SWT1: variants seen among roughly 807,000 people sequenced by gnomAD.
SWT1 encodes the protein transcriptional protein SWT1.
Under a neutral mutation model 107.3 loss-of-function variants are expected in SWT1, and 33 were observed. The ratio of observed to expected loss-of-function variants is 0.31; its 90% confidence interval spans 0.23 to 0.41. SWT1 has a LOEUF of 0.41. SWT1 is among the 10% of genes least tolerant of loss of function. SWT1 has a pLI of 1.00. For synonymous variants in SWT1, 345 were observed against 348.3 expected (o/e 0.99, Z 0.11); for missense variants, 898 against 1,028.9 (o/e 0.87, Z 1.74).
intron 4 of SWT1, chr1:185,171,258 A>C: frequency 5.2e-6 from 1 of 190,658 alleles, no homozygotes; most frequent in East Asian, 1.7e-4. Flanking sequence ...TACTGCACAG[A>C]TACAAGGATG....
chr1:185,158,434 T>C (rs1198860880), intron 1 of SWT1, among the ~76,000 whole-genome samples: 1 of 151,870 alleles, frequency 6.6e-6, no homozygotes, highest in South Asian at 2.1e-4. Context: ...CAATTAAAAA[T>C]GGGATAACAC....
At chr1:185,276,702 G>A in intron 18 of SWT1, 34 bp downstream of exon 18, 1 of 1,239,596 alleles carries the variant, frequency 8.1e-7, no homozygotes, top group Non-Finnish European at 1.1e-6. Context: ...ATAAACCATT[G>A]TAACAAGCTT....
At chr1:185,224,237 A>G (rs771045822) in intron 15 of SWT1, among the ~76,000 whole-genome samples, 3 of 152,112 alleles carry the variant, frequency 2.0e-5, no homozygotes, top group Admixed American at 6.6e-5. Context: ...CCAAAATCAG[A>G]TGGCTTTGGG....
chr1:185,230,199 A>C (rs886098279), intron 15 of SWT1, among the ~76,000 whole-genome samples: 1 of 152,158 alleles, frequency 6.6e-6, no homozygotes, highest in Admixed American at 6.5e-5. Flanking sequence ...CAACATTGTG[A>C]ATTTATTAAG....
intron 16 of SWT1, chr1:185,257,918 C>G (rs554998924): frequency 6.6e-6 from 1 of 151,430 alleles, no homozygotes; most frequent in Non-Finnish European, 1.5e-5. Context: ...TTTTTAAGTC[C>G]AGTCAAGTGA....
chr1:185,286,450 T>C (rs1664953276), intron 18 of SWT1, among the ~76,000 whole-genome samples: 1 of 152,144 alleles, frequency 6.6e-6, no homozygotes, highest in Non-Finnish European at 1.5e-5. Flanking sequence ...GGTCTCGAAC[T>C]CCTGACCTTG....
chr1:185,252,488 A>T lies in SWT1; in HGVS notation c.2442-18835A>T, dbSNP rs1459275266. 3.9e-5 allele frequency among the ~76,000 whole-genome samples: 6 copies of T among 152,300 alleles called. No homozygotes were observed. The East Asian group carries it at 1.2e-3, about 29-fold the overall frequency. On this transcript the variant is annotated intron_variant, in intron 16 of 18. Coordinates refer to ENST00000367500, the MANE Select transcript of SWT1 (RefSeq NM_017673.7). ...TGATTGCCATTCTAACTGGTGTGAG[A>T]TGGTATCCCATTGTGGTTTTGATTT...
chr1:185,273,731 G>T (rs535499565), intron 17 of SWT1, among the ~76,000 whole-genome samples: 1 of 152,064 alleles, frequency 6.6e-6, no homozygotes, highest in East Asian at 1.9e-4. Context: ...AAATAAAAGA[G>T]CCTTAATTCT....
chr1:185,269,242 G>A (rs139931010), intron 16 of SWT1, among the ~76,000 whole-genome samples: 70 of 152,184 alleles, frequency 4.6e-4, no homozygotes, highest in African/African-American at 1.7e-3. Flanking sequence ...TATCTAGATA[G>A]CTTTGTCTTC....
chr1:185,224,052 G>A (rs1420216127), intron 15 of SWT1, among the ~76,000 whole-genome samples: 1 of 152,056 alleles, frequency 6.6e-6, no homozygotes, highest in Non-Finnish European at 1.5e-5. Context: ...TTTTTAATTG[G>A]GTTATCTTGT....
chr1:185,195,148 A>G (rs1048303370), intron 10 of SWT1, among the ~76,000 whole-genome samples: 2 of 151,970 alleles, frequency 1.3e-5, no homozygotes, highest in Non-Finnish European at 2.9e-5. Flanking sequence ...TCCTTCCCCT[A>G]TCCCTCAACC....
intron 1 of SWT1, among the ~76,000 whole-genome samples, chr1:185,159,569 A>T (rs926249694): frequency 3.9e-5 from 6 of 152,184 alleles, no homozygotes; most frequent in African/African-American, 1.2e-4. Flanking sequence ...CTCAGTAGGC[A>T]TTTATGAGCA....
At chr1:185,211,819 A>G (rs1364446153) in intron 13 of SWT1, among the ~76,000 whole-genome samples, 1 of 152,196 alleles carries the variant, frequency 6.6e-6, no homozygotes, top group African/African-American at 2.4e-5. Context: ...ATGTCCAACA[A>G]TGATAGACTG....
At chr1:185,212,462 G>GT (rs1658896883) in intron 13 of SWT1, among the ~76,000 whole-genome samples, 1 of 152,098 alleles carries the variant, frequency 6.6e-6, no homozygotes, top group African/African-American at 2.4e-5. Context: ...TGTGATGACT[G>GT]TATCTTCTGC....
At chr1:185,216,748 T>G (rs2102508562) in intron 14 of SWT1, among the ~76,000 whole-genome samples, 1 of 152,202 alleles carries the variant, frequency 6.6e-6, no homozygotes, top group South Asian at 2.1e-4. Context: ...GGGCAGCAGT[T>G]CAGGACCAGC....
At chr1:185,222,762 CAAAAAAAA>C (rs59515070) in intron 15 of SWT1, among the ~76,000 whole-genome samples, 2 of 36,096 alleles carry the variant, frequency 5.5e-5, no homozygotes, top group Admixed American at 2.7e-4. Context: ...GACGCCATCT[CAAAAAAAA>C]AAAAAAAAAA....
intron 3 of SWT1, among the ~76,000 whole-genome samples, chr1:185,167,587 T>C (rs562404453): frequency 6.6e-6 from 1 of 152,356 alleles, no homozygotes; most frequent in East Asian, 1.9e-4. Flanking sequence ...TTCATCCCAT[T>C]TCTCCTCTGC....
chr1:185,273,961 T>C lies in SWT1; in HGVS notation c.2508+2572T>C, dbSNP rs1322514730. 3.3e-5 allele frequency among the ~76,000 whole-genome samples: 5 copies of C among 151,962 alleles called. No homozygotes were observed. The East Asian group carries it at 9.7e-4, about 29-fold the overall frequency. ...TCAAGGCTGCAGTGAGCCATGATCA[T>C]AGCACTGCACTCCAGACTGGGTGAC... On this transcript the variant is annotated intron_variant, in intron 17 of 18. Coordinates refer to ENST00000367500, the MANE Select transcript of SWT1 (RefSeq NM_017673.7).
intron 16 of SWT1, among the ~76,000 whole-genome samples, chr1:185,259,036 C>T (rs966564997): frequency 4.6e-5 from 7 of 152,060 alleles, no homozygotes; most frequent in Non-Finnish European, 1.0e-4. Flanking sequence ...TTTCCTCAGA[C>T]TTATTTTCTG....
Sources: gnomAD v4.1 joint callset for allele counts (sites outside exome capture counted in the v4.1 genomes callset) on GRCh38, gnomAD v4.1.1 for gene constraint, MANE v1.5 for transcripts, NCBI Gene and HGNC (gene_info 2026-07-23, HGNC 2026-07-21) for gene names.